ADRM1: variants seen among roughly 807,000 people sequenced by gnomAD.
ADRM1 encodes the protein ADRM1 26S proteasome ubiquitin receptor, also known as proteasomal ubiquitin receptor ADRM1.
ADRM1 carries 2 observed loss-of-function variants against 40.1 expected under a neutral mutation model. The observed-to-expected ratio is 0.05, with a 90% CI of 0.02 to 0.16. The LOEUF (loss-of-function observed/expected upper bound fraction) is 0.16, where lower values mean the gene tolerates loss of function less well. Among genes scored for constraint, ADRM1 ranks in the 10% least tolerant of loss-of-function variants. The probability of loss-of-function intolerance (pLI) is 1.00; values close to 1 mark genes in which losing one functional copy is unlikely to be tolerated. For synonymous variants in ADRM1, 287 were observed against 240.4 expected (o/e 1.19, Z -1.79); for missense variants, 467 against 552.5 (o/e 0.85, Z 1.55).
At chr20:62,303,882 C>T (rs1250832143) in intron 2 of ADRM1, 101 bp downstream of exon 2, 3 of 1,208,896 alleles carry the variant, frequency 2.5e-6, no homozygotes, top group Middle Eastern at 2.0e-4. Flanking sequence ...ATCTGGGGAC[C>T]GCTCGTGGGG....
chr20:62,307,336 G>A (rs537941867), intron 5 of ADRM1, 35 bp from the exon 6 acceptor site: 10 of 1,585,836 alleles, frequency 6.3e-6, no homozygotes, highest in South Asian at 2.3e-5. Flanking sequence ...TGGGCTAGAG[G>A]GCATCCTGAG....
intron 2 of ADRM1, chr20:62,304,199 ATGT>A (rs1984546350): frequency 3.9e-6 from 2 of 517,354 alleles, no homozygotes; most frequent in Non-Finnish European, 7.0e-6. Context: ...TACTCTGGGA[ATGT>A]TGTTTCCAGC....
Position 62,307,702 on chromosome 20 carries a change from C to G in ADRM1, c.730C>G (p.Pro244Ala). The G allele has an allele frequency of 6.2e-7, 1 of 1,612,276 alleles. No homozygotes were observed. The highest frequency in any genetic ancestry group is 1.1e-5 in the South Asian group (1 of 91,052). ...PAAASATSPS[P>A]APSSGNGAST... ...AGCTGCCTCAGCAACTAGCCCGAGC[C>G]CCGCGCCCAGTTCCGGGAATGGAGC... The change falls in exon 7 of 10, where the codon CCC becomes GCC. Residue 244 changes from proline to alanine, a missense_variant. Physicochemically the swap from Pro to Ala is conservative, Grantham distance 27 (BLOSUM62 -1). Around this residue, in one of 3 missense-constraint regions of ADRM1, gnomAD observed 418 missense variants for 474.6 expected, o/e 0.88. Coordinates refer to ENST00000253003, the MANE Select transcript of ADRM1 (RefSeq NM_007002.4).
intron 3 of ADRM1, 59 bp downstream of exon 3, chr20:62,304,636 T>G: frequency 6.5e-7 from 1 of 1,534,338 alleles, no homozygotes; most frequent in South Asian, 1.1e-5. Context: ...GTTAGGAACT[T>G]GCTTACAGTG....
In ADRM1 at chr20:62,306,722, C is replaced by T. The variant is rs1259782524; in HGVS notation, c.529C>T (p.Leu177Phe). Residue 177 changes from leucine to phenylalanine, a missense_variant, in exon 5 of 10, where the codon CTT becomes TTT. By Grantham distance (22) the Leu-to-Phe change is conservative. This residue lies in a region of ADRM1 where 418 missense variants were observed against 474.6 expected (regional missense o/e 0.88). Coordinates refer to ENST00000253003, the MANE Select transcript of ADRM1 (RefSeq NM_007002.4). The part of the protein sequence containing the change: ...QLMQLIGPAG[L>F]GGLGGLGALT... ...CATGCAGCTCATCGGACCAGCCGGC[C>T]TTGGAGGACTGGGTAACGTGCGCCA... 1.2e-6 allele frequency: 2 copies of T among 1,608,584 alleles called. No homozygotes were observed. The highest frequency in any genetic ancestry group is 3.4e-5 in the Admixed American group (2 of 59,544).
In ADRM1 at chr20:62,306,191, T is replaced by C; in HGVS notation, c.331-6T>C. 1.2e-6 allele frequency: 2 copies of C among 1,606,822 alleles called. No individual in the cohort carries two copies. The highest frequency in any genetic ancestry group is 1.7e-6 in the Non-Finnish European group (2 of 1,174,614). On this transcript the variant is annotated splice_polypyrimidine_tract_variant and splice_region_variant and intron_variant, in intron 3 of 9. Transcript: ENST00000253003. ...CTCCTGCCCTTACATGCCCTTCCTCTTGCAGGAACCCAAGACAGACCAGGA... is the reference window on the plus strand; with the variant it reads ...CTCCTGCCCTTACATGCCCTTCCTCCTGCAGGAACCCAAGACAGACCAGGA...
chr20:62,303,761 A>G lies in ADRM1; in HGVS notation c.193A>G (p.Thr65Ala). The change falls in exon 2 of 10, where the codon ACG (threonine) becomes GCG (alanine). Residue 65 changes from threonine to alanine, a missense_variant. Physicochemically the swap from Thr to Ala is moderately conservative, Grantham distance 58. Around this residue, in one of 3 missense-constraint regions of ADRM1, gnomAD observed 418 missense variants for 474.6 expected, o/e 0.88. Transcript: ENST00000253003. ...SLIHFCWKDRTSGNVEDDLII... is the reference protein window; with the variant it reads ...SLIHFCWKDRASGNVEDDLII... ...TATTCACTTCTGCTGGAAGGACAGG[A>G]CGTCCGGGAACGTGGAAGACGTGAG... 2 of 1,610,962 alleles carry G rather than the reference A, an allele frequency of 1.2e-6. No homozygotes were observed. Among genetic ancestry groups the G allele is most frequent in the East Asian group, 2.2e-5 (1 of 44,858 alleles).
At position 62,307,667 on chromosome 20, in the gene ADRM1, C is replaced by G; in HGVS notation, c.695C>G (p.Ser232Cys). 6.2e-7 allele frequency: 1 copy of G among 1,612,294 alleles called. No homozygotes were observed. The highest frequency in any genetic ancestry group is 8.5e-7 in the Non-Finnish European group (1 of 1,179,922). The change falls in exon 7 of 10, where the codon TCT becomes TGT. Residue 232 changes from serine to cysteine, a missense_variant. Physicochemically the swap from Ser to Cys is moderately radical, Grantham distance 112. Transcript: ENST00000253003. ...TSSTRATPAPSAPAAASATSP... is the reference protein window; with the variant it reads ...TSSTRATPAPCAPAAASATSP... The stretch of plus-strand genomic sequence containing the variant: ...TCCACCCGTGCCACCCCAGCCCCTT[C>G]TGCTCCAGCAGCTGCCTCAGCAACT...
rs2146010647 is a variant in ADRM1, at chr20:62,308,082, C to G, written c.918C>G (p.Val306=). The change falls in exon 8 of 10, where the codon GTC becomes GTG. Residue 306 remains valine, a synonymous_variant. Transcript: ENST00000253003. The part of the protein sequence containing the change: ...IMAPILANAD[V]QERLLPYLPS... ...CTCCCATCCTCGCCAACGCGGATGT[C>G]CAGGAGCGCCTGCTTCCCTACTTGC... 1 of 1,611,678 alleles carries G rather than the reference C, an allele frequency of 6.2e-7. No individual in the cohort carries two copies. The highest frequency in any genetic ancestry group is 8.5e-7 in the Non-Finnish European group (1 of 1,179,780).
chr20:62,303,497 AG>A, intron 1 of ADRM1, 70 bp from the exon 2 acceptor site: 1 of 1,471,730 alleles, frequency 6.8e-7, no homozygotes, highest in Non-Finnish European at 9.1e-7. Flanking sequence ...CAAACACCCC[AG>A]GGGGCGGGAG....
chr20:62,303,575 A>T lies in ADRM1; in HGVS notation c.7A>T (p.Thr3Ser). Residue 3 changes from threonine to serine, a missense_variant, in exon 2 of 10, where the codon ACC becomes TCC. Physicochemically the swap from Thr to Ser is moderately conservative, Grantham distance 58 (BLOSUM62 1). Transcript: ENST00000253003. MT[T>S]SGALFPSLVP... ...TCCTCTCCGCGCTTTCAGGATGACG[A>T]CCTCAGGCGCGCTCTTTCCAAGCCT... 6.4e-7 allele frequency: 1 copy of T among 1,570,820 alleles called. No individual in the cohort carries two copies. The highest frequency in any genetic ancestry group is 8.6e-7 in the Non-Finnish European group (1 of 1,157,638).
intron 2 of ADRM1, chr20:62,304,212 C>A: frequency 1.9e-6 from 1 of 533,238 alleles, no homozygotes; most frequent in Non-Finnish European, 3.4e-6. Context: ...TTGTTTCCAG[C>A]ACGTCTCAGA....
intron 3 of ADRM1, among the ~76,000 whole-genome samples, chr20:62,305,207 C>T (rs1340454429): frequency 6.6e-6 from 1 of 152,224 alleles, no homozygotes; most frequent in Non-Finnish European, 1.5e-5. Context: ...TAGGTGAAAA[C>T]TGGTGGCGGG....
rs745847732 is a variant in ADRM1, at chr20:62,307,833, C to T, written c.856+5C>T. The T allele has an allele frequency of 3.7e-5, 59 of 1,593,408 alleles. No individual in the cohort carries two copies. The Admixed American group carries it at 7.7e-4, about 21-fold the overall frequency. ...GGCCAGCAGGCGGCCAGCAAGGTAA[C>T]GTGTGCTGTCGCCTGGAGCTGGGTG... On this transcript the variant is annotated splice_donor_5th_base_variant and intron_variant, in intron 7 of 9. Coordinates refer to ENST00000253003, the MANE Select transcript of ADRM1 (RefSeq NM_007002.4).
intron 1 of ADRM1, 132 bp from the exon 2 acceptor site, chr20:62,303,436 C>G: frequency 1.1e-6 from 1 of 897,220 alleles, no homozygotes; most frequent in South Asian, 1.7e-5. Context: ...AAAGGCAGCC[C>G]GGCGTGTCTG....
In ADRM1 at chr20:62,306,416, G is replaced by A. The variant is rs757007877; in HGVS notation, c.454+96G>A. 8.2e-6 allele frequency: 13 copies of A among 1,590,042 alleles called. No homozygotes were observed. The African/African-American group carries it at 1.2e-4, about 15-fold the overall frequency. ...CCCTCAGCACAGGTTGTTTGGAAGTGGAAATAGAAGATTCTAAAAGTTAGA... is the reference window on the plus strand; with the variant it reads ...CCCTCAGCACAGGTTGTTTGGAAGTAGAAATAGAAGATTCTAAAAGTTAGA... On this transcript the variant is annotated intron_variant, in intron 4 of 9. Coordinates refer to ENST00000253003, the MANE Select transcript of ADRM1 (RefSeq NM_007002.4).
In ADRM1 at chr20:62,307,678, G is replaced by A. The variant is rs754569348; in HGVS notation, c.706G>A (p.Ala236Thr). The change falls in exon 7 of 10, where the codon GCT becomes ACT. Residue 236 changes from alanine (A) to threonine (T), a missense_variant. Ala to Thr is a moderately conservative substitution (Grantham distance 58). Around this residue, in one of 3 missense-constraint regions of ADRM1, gnomAD observed 418 missense variants for 474.6 expected, o/e 0.88. Transcript: ENST00000253003. ...RATPAPSAPAAASATSPSPAP... is the reference protein window; with the variant it reads ...RATPAPSAPATASATSPSPAP... ...CACCCCAGCCCCTTCTGCTCCAGCA[G>A]CTGCCTCAGCAACTAGCCCGAGCCC... 3.1e-6 allele frequency: 5 copies of A among 1,612,162 alleles called. No individual in the cohort carries two copies. The South Asian group carries it at 4.4e-5, about 14-fold the overall frequency.
At chr20:62,307,250 C>A in intron 5 of ADRM1, 121 bp from the exon 6 acceptor site, 1 of 1,001,010 alleles carries the variant, frequency 1.0e-6, no homozygotes, top group South Asian at 1.7e-5. Context: ...TGGGTCCCCA[C>A]CGCCCCGCTT....
At chr20:62,305,933 C>T (rs370853259) in intron 3 of ADRM1, 12 of 453,808 alleles carry the variant, frequency 2.6e-5, no homozygotes, top group East Asian at 2.4e-4. Flanking sequence ...CTCTAGGCTC[C>T]CCATTTGTGA....
Sources: gnomAD v4.1 joint callset for allele counts (sites outside exome capture counted in the v4.1 genomes callset) on GRCh38, gnomAD v4.1.1 for gene constraint, gnomAD v4.1.1 regional missense constraint, MANE v1.5 for transcripts, NCBI Gene and HGNC (gene_info 2026-07-23, HGNC 2026-07-21) for gene names.